RAMP3: variants seen among roughly 807,000 people sequenced by gnomAD.
The protein encoded by RAMP3 is receptor activity modifying protein 3, also known as receptor activity-modifying protein 3.
A neutral mutation model predicts 13.5 loss-of-function variants in RAMP3; 14 were observed. The ratio of observed to expected loss-of-function variants is 1.04; its 90% confidence interval spans 0.69 to 1.63. The LOEUF (loss-of-function observed/expected upper bound fraction) is 1.63. Among genes scored for constraint, RAMP3 ranks in the 40% most tolerant of loss-of-function variants. The probability of loss-of-function intolerance (pLI) is 0.00; values close to 1 mark genes in which losing one functional copy is unlikely to be tolerated. For missense variants in RAMP3, 200 were observed against 204.8 expected (o/e 0.98, Z 0.14); for synonymous variants, 106 against 88.3 (o/e 1.20, Z -1.12).
intron 1 of RAMP3, among the ~76,000 whole-genome samples, chr7:45,158,254 G>A (rs1038339367): frequency 1.3e-5 from 2 of 152,206 alleles, no homozygotes; most frequent in African/African-American, 4.8e-5. Context: ...ATCCCCCAGG[G>A]TGGGCTGTCT....
intron 1 of RAMP3, among the ~76,000 whole-genome samples, chr7:45,173,815 C>T (rs970290715): frequency 1.3e-5 from 2 of 152,166 alleles, no homozygotes; most frequent in Non-Finnish European, 1.5e-5. Context: ...AGCAGCTTTG[C>T]CCACAGCTCA....
chr7:45,160,128 C>T (rs1463125597), intron 1 of RAMP3, among the ~76,000 whole-genome samples: 1 of 151,688 alleles, frequency 6.6e-6, no homozygotes, highest in African/African-American at 2.4e-5. Flanking sequence ...GTCAGGAGAT[C>T]GAGACCATCC....
intron 2 of RAMP3, among the ~76,000 whole-genome samples, chr7:45,177,721 C>T (rs567915388): frequency 1.3e-5 from 2 of 152,314 alleles, no homozygotes; most frequent in East Asian, 3.9e-4. Flanking sequence ...CCCCTGCCCA[C>T]GGCATTTGTG....
rs1378914343 is a variant in RAMP3 at position 45,183,400 on chromosome 7, C to A, written c.435C>A (p.Asp145Glu). The change falls in exon 3 of 3, where the codon GAC becomes GAA. Residue 145 changes from aspartate to glutamate, a missense_variant. Transcript: ENST00000242249. ...TGGTGTGGCGCAGCAAACGCACCGA[C>A]ACGCTGCTGTGAGGGTCCCGGTGAG... ...GLVVWRSKRT[D>E]TLL The A allele has an allele frequency of 1.2e-6, 2 of 1,612,626 alleles. No homozygotes were observed. Among genetic ancestry groups the A allele is most frequent in the Non-Finnish European group, 8.5e-7 (1 of 1,180,002 alleles).
In RAMP3 at chr7:45,179,282, C is replaced by T. The variant is rs562268981; in HGVS notation, c.191+1841C>T. ...AAGGACCTAGAAGCAGTGACCCCCCCAACCCCTGGAAGCTCTGGGGACAAG... is the reference window on the plus strand; with the variant it reads ...AAGGACCTAGAAGCAGTGACCCCCCTAACCCCTGGAAGCTCTGGGGACAAG... On this transcript the variant is annotated intron_variant, in intron 2 of 2. Transcript: ENST00000242249. Among the ~76,000 whole-genome samples the T allele has an allele frequency of 5.0e-4, 76 of 152,236 alleles. 1 individual carries two copies. In the Middle Eastern group the frequency reaches 0.024, roughly 48 times the overall value.
chr7:45,157,965 G>T, intron 1 of RAMP3, 79 bp downstream of exon 1: 1 of 1,246,230 alleles, frequency 8.0e-7, no homozygotes, highest in Non-Finnish European at 1.0e-6. Flanking sequence ...GCGCCTTCCC[G>T]CACCTGCGCC....
chr7:45,160,159 C>T (rs1247880430), intron 1 of RAMP3, among the ~76,000 whole-genome samples: 1 of 151,404 alleles, frequency 6.6e-6, no homozygotes, highest in African/African-American at 2.4e-5. Context: ...GGTGAAACTC[C>T]GTCTCTACTA....
chr7:45,182,155 G>T (rs969958216), intron 2 of RAMP3, among the ~76,000 whole-genome samples: 1 of 152,234 alleles, frequency 6.6e-6, no homozygotes, highest in Non-Finnish European at 1.5e-5. Flanking sequence ...CTGGGACAGC[G>T]CGGGAAGGAG....
At position 45,183,218 on chromosome 7, in the gene RAMP3, C is replaced by T. The variant is rs145139513; in HGVS notation, c.253C>T (p.Pro85Ser). Reference protein sequence around the residue: ...MEANVVGCYWPNPLAQGFITG... With the variant: ...MEANVVGCYWSNPLAQGFITG... ...GGCCAATGTCGTGGGCTGCTACTGG[C>T]CCAACCCCCTGGCCCAGGGCTTCAT... The change falls in exon 3 of 3, where the codon CCC becomes TCC. Residue 85 changes from proline to serine, a missense_variant. Pro to Ser is a moderately conservative substitution (Grantham distance 74). Transcript: ENST00000242249. 5.3e-4 allele frequency: 858 copies of T among 1,613,694 alleles called. 4 individuals are homozygous for T. The highest frequency in any genetic ancestry group is 2.1e-3 in the Admixed American group (125 of 60,022).
intron 1 of RAMP3, among the ~76,000 whole-genome samples, chr7:45,162,194 T>C (rs947564380): frequency 2.6e-4 from 39 of 152,246 alleles, no homozygotes; most frequent in African/African-American, 8.9e-4. Flanking sequence ...TCGCTTTCTT[T>C]TGGGCCTCCA....
chr7:45,158,426 C>A (rs1051639476), intron 1 of RAMP3, among the ~76,000 whole-genome samples: 2 of 152,238 alleles, frequency 1.3e-5, no homozygotes, highest in African/African-American at 4.8e-5. Context: ...AGCGGGGCGA[C>A]TCTCTGAGCC....
At chr7:45,158,013 A>T in intron 1 of RAMP3, 127 bp downstream of exon 1, 1 of 924,446 alleles carries the variant, frequency 1.1e-6, no homozygotes, top group South Asian at 3.0e-5. Context: ...GGAGGGGCGC[A>T]CAGTGACCCT....
chr7:45,184,037 G>C lies in RAMP3; in HGVS notation c.*625G>C, dbSNP rs1786376726. On this transcript the variant is annotated 3_prime_UTR_variant, in exon 3 of 3. Transcript: ENST00000242249. ...GCAGAGTCCATTCCATCATGATGCTGTGCCCGCTATGGGCTGTGTCCATGA... is the reference window on the plus strand; with the variant it reads ...GCAGAGTCCATTCCATCATGATGCTCTGCCCGCTATGGGCTGTGTCCATGA... 3 of 406,060 alleles carry C rather than the reference G, an allele frequency of 7.4e-6. No individual in the cohort carries two copies. Among genetic ancestry groups the C allele is most frequent in the Non-Finnish European group, 8.7e-6 (2 of 229,972 alleles). 25.2% of individuals were successfully genotyped at this position (406,060 alleles called of 1,614,324 possible).
At chr7:45,181,689 T>C (rs1786318595) in intron 2 of RAMP3, among the ~76,000 whole-genome samples, 1 of 152,120 alleles carries the variant, frequency 6.6e-6, no homozygotes, top group Non-Finnish European at 1.5e-5. Context: ...CTACTGAATC[T>C]GAGGCCCTGT....
chr7:45,166,736 A>G (rs950189257), intron 1 of RAMP3, among the ~76,000 whole-genome samples: 1 of 152,054 alleles, frequency 6.6e-6, no homozygotes, highest in Non-Finnish European at 1.5e-5. Flanking sequence ...TTTTTCTCAC[A>G]CAAGGGCACA....
intron 1 of RAMP3, among the ~76,000 whole-genome samples, chr7:45,166,923 T>A (rs2128656017): frequency 6.7e-6 from 1 of 149,630 alleles, no homozygotes; most frequent in African/African-American, 2.5e-5. Flanking sequence ...AATCTAAGAG[T>A]TTTATAATTT....
intron 1 of RAMP3, chr7:45,163,265 G>A (rs745410915): frequency 1.1e-5 from 11 of 985,316 alleles, no homozygotes; most frequent in Non-Finnish European, 1.1e-5. Flanking sequence ...TAGGGATAGA[G>A]CCCCCAAGCC....
chr7:45,165,865 G>A lies in RAMP3; in HGVS notation c.58+7979G>A, dbSNP rs1011134481. On this transcript the variant is annotated intron_variant, in intron 1 of 2. Transcript: ENST00000242249. ...TTCATTCATATAGTGGTATGTTTTA[G>A]CACTTCACTCTTTTATGTACAAATA... Among the ~76,000 whole-genome samples, 379 of 152,284 alleles carry A rather than the reference G, an allele frequency of 2.5e-3. 5 individuals carry two copies. Among genetic ancestry groups the A allele is most frequent in the African/African-American group, 8.8e-3 (367 of 41,558 alleles).
At position 45,183,556 on chromosome 7, in the gene RAMP3, T is replaced by TCCCTC; in HGVS notation, c.*144_*145insCCCTC. The TCCCTC allele has an allele frequency of 8.0e-7, 1 of 1,246,522 alleles. No individual in the cohort carries two copies. The allele number at this position is 1,246,522 out of a possible 1,614,324, so 77.2% of individuals were successfully genotyped here. On this transcript the variant is annotated 3_prime_UTR_variant, in exon 3 of 3. Coordinates refer to ENST00000242249, the MANE Select transcript of RAMP3 (RefSeq NM_005856.3). The stretch of plus-strand genomic sequence containing the variant: ...TGGGCAGACCCCTCCCTTCCTGGGC[T>TCCCTC]GACCTGCTCCCTCGAGGCCAGCCTG...
Sources: allele counts gnomAD v4.1 joint callset (sites outside exome capture counted in the v4.1 genomes callset), GRCh38; gene constraint gnomAD v4.1.1; transcripts MANE v1.5; gene names NCBI Gene and HGNC (gene_info 2026-07-23, HGNC 2026-07-21).